Variants in CD109 observed in about 807,000 individuals in gnomAD.
The protein encoded by CD109 is CD109 molecule, also known as CD109 antigen.
CD109 carries 149 observed loss-of-function variants against 165.8 expected under a neutral mutation model. That is an observed-to-expected ratio of 0.90 (90% CI 0.79 to 1.03). The LOEUF is 1.03. CD109 is among the 50% of genes least tolerant of loss of function. CD109 has a pLI of 0.00. For missense variants in CD109, 1,712 were observed against 1,677.8 expected, an observed-to-expected ratio of 1.02 and a Z score of -0.36; for synonymous variants, 585 against 592.1, an observed-to-expected ratio of 0.99 and a Z score of 0.18.
chr6:73,747,523 C>T (rs1054121269), intron 5 of CD109, among the ~76,000 whole-genome samples: 7 of 152,148 alleles, frequency 4.6e-5, no homozygotes, highest in African/African-American at 9.7e-5. Context: ...GAAGTTCACC[C>T]GAAGGCATGG....
chr6:73,733,549 A>G (rs1772442538), intron 4 of CD109, among the ~76,000 whole-genome samples: 1 of 152,240 alleles, frequency 6.6e-6, no homozygotes, highest in South Asian at 2.1e-4. Flanking sequence ...ATTTGGCCTG[A>G]CACAATGGAA....
intron 2 of CD109, among the ~76,000 whole-genome samples, chr6:73,714,455 C>G (rs545262659): frequency 5.1e-4 from 77 of 152,332 alleles, no homozygotes; most frequent in Admixed American, 1.3e-3. Flanking sequence ...GCATTGCAGC[C>G]CCACTGCTCT....
At chr6:73,810,877 G>A (rs745878445) in intron 27 of CD109, 115 bp from the exon 28 acceptor site, 2 of 982,732 alleles carry the variant, frequency 2.0e-6, no homozygotes, top group East Asian at 2.5e-5. Context: ...GAATCAGGGA[G>A]CATTCCACTC....
At position 73,756,719 on chromosome 6, in the gene CD109, A is replaced by G. The variant is rs372509668; in HGVS notation, c.673+37A>G. On this transcript the variant is annotated intron_variant, in intron 6 of 32. Coordinates refer to ENST00000287097, the MANE Select transcript of CD109 (RefSeq NM_133493.5). Reference sequence around the variant, plus strand: ...TCAATCTATTTTGGAAGAAAAAAACATTTGTTACTTTCAGCAGAGATTAGA... The same window carrying G: ...TCAATCTATTTTGGAAGAAAAAAACGTTTGTTACTTTCAGCAGAGATTAGA... The G allele has an allele frequency of 1.1e-3, 1,595 of 1,398,536 alleles. 4 individuals carry two copies. The highest frequency in any genetic ancestry group is 1.5e-3 in the Non-Finnish European group (1,506 of 1,026,058). 86.6% of individuals were successfully genotyped at this position (1,398,536 alleles called of 1,614,324 possible). A position where few individuals can be genotyped will look rare whatever the true frequency, so the allele number is the denominator to read the frequency against.
At chr6:73,751,003 A>C (rs1365001989) in intron 5 of CD109, among the ~76,000 whole-genome samples, 2 of 152,150 alleles carry the variant, frequency 1.3e-5, no homozygotes. Flanking sequence ...AATAAAATAA[A>C]ATGCTCCCTT....
intron 2 of CD109, among the ~76,000 whole-genome samples, chr6:73,720,823 C>G (rs1216117297): frequency 6.6e-6 from 1 of 152,156 alleles, no homozygotes; most frequent in Non-Finnish European, 1.5e-5. Flanking sequence ...CCAAAGACCC[C>G]CTTTTGATTG....
At chr6:73,706,052 T>TA (rs1771254945) in intron 2 of CD109, among the ~76,000 whole-genome samples, 1 of 152,182 alleles carries the variant, frequency 6.6e-6, no homozygotes, top group East Asian at 1.9e-4. Flanking sequence ...GGATTATCCT[T>TA]AAAAAACCCT....
intron 2 of CD109, among the ~76,000 whole-genome samples, chr6:73,720,357 T>G (rs1771903555): frequency 6.6e-6 from 1 of 151,738 alleles, no homozygotes; most frequent in African/African-American, 2.4e-5. Context: ...TTACCAGAAG[T>G]GAAAGGAATG....
intron 23 of CD109, among the ~76,000 whole-genome samples, chr6:73,799,748 T>C (rs1455940057): frequency 6.6e-6 from 1 of 152,206 alleles, no homozygotes; most frequent in Non-Finnish European, 1.5e-5. Context: ...GAGATTTGTG[T>C]GGGGACAAAT....
intron 23 of CD109, among the ~76,000 whole-genome samples, chr6:73,800,647 G>A (rs1158948641): frequency 6.6e-6 from 1 of 152,026 alleles, no homozygotes; most frequent in Admixed American, 6.6e-5. Flanking sequence ...TCTCAGTGTA[G>A]GTTTAATTTG....
At chr6:73,770,251 A>G (rs1240143597) in intron 14 of CD109, among the ~76,000 whole-genome samples, 1 of 152,240 alleles carries the variant, frequency 6.6e-6, no homozygotes, top group Non-Finnish European at 1.5e-5. Context: ...TTTACATCTC[A>G]GAGAGTTGGA....
intron 22 of CD109, among the ~76,000 whole-genome samples, chr6:73,791,500 A>T (rs1286385937): frequency 1.3e-5 from 2 of 152,002 alleles, no homozygotes; most frequent in African/African-American, 4.8e-5. Context: ...CACAGAGGGA[A>T]GGAGCCTGGC....
chr6:73,723,263 C>T lies in CD109; in HGVS notation c.260C>T (p.Thr87Ile), dbSNP rs939185357. Residue 87 changes from threonine to isoleucine, a missense_variant, in exon 3 of 33, where the codon ACA (threonine) becomes ATA (isoleucine). Transcript: ENST00000287097. The stretch of plus-strand genomic sequence containing the variant: ...GTTTTCCTTGTAGGCTCTTTTAAGA[C>T]ACTTACTCTTCCATCAGTAAGTATC... Reference protein sequence around the residue: ...EGVFEKGSFKTLTLPSLPLNS... With the variant: ...EGVFEKGSFKILTLPSLPLNS... 7 of 1,612,582 alleles carry T rather than the reference C, an allele frequency of 4.3e-6. No homozygotes were observed. Among genetic ancestry groups the T allele is most frequent in the Non-Finnish European group, 5.9e-6 (7 of 1,179,356 alleles).
chr6:73,686,177 G>C, the CD109 span, among the ~76,000 whole-genome samples: 178 of 152,164 alleles, frequency 1.2e-3, no homozygotes, highest in Non-Finnish European at 2.3e-3. Flanking sequence ...CTCCAACTAG[G>C]TGCTGTAATC....
intron 29 of CD109, among the ~76,000 whole-genome samples, chr6:73,812,754 G>A (rs1249496754): frequency 6.6e-6 from 1 of 151,994 alleles, no homozygotes; most frequent in African/African-American, 2.4e-5. Flanking sequence ...CATTTTTATA[G>A]TGCAGCAGGA....
intron 2 of CD109, among the ~76,000 whole-genome samples, chr6:73,713,065 C>T (rs1056480477): frequency 6.6e-6 from 1 of 152,160 alleles, no homozygotes; most frequent in Non-Finnish European, 1.5e-5. Flanking sequence ...TTATTCCTCT[C>T]TCATCTATGC....
chr6:73,801,030 TCTACACC>T (rs1775343652), intron 23 of CD109, among the ~76,000 whole-genome samples: 1 of 152,224 alleles, frequency 6.6e-6, no homozygotes, highest in Non-Finnish European at 1.5e-5. Flanking sequence ...AGAGCCTTCC[TCTACACC>T]TATATTAGAG....
Position 73,696,223 on chromosome 6 carries a change from G to T in CD109, c.8G>T (p.Gly3Val), listed in dbSNP as rs920184106. Reference protein sequence around the residue: MQGPPLLTAAHLL... With the variant: MQVPPLLTAAHLL... Reference sequence around the variant, plus strand: ...CAGGCAGACGCCGTCGAGATGCAGGGCCCACCGCTCCTGACCGCCGCCCAC... The same window carrying T: ...CAGGCAGACGCCGTCGAGATGCAGGTCCCACCGCTCCTGACCGCCGCCCAC... The change falls in exon 1 of 33, where the codon GGC becomes GTC. Residue 3 changes from glycine to valine, a missense_variant. Transcript: ENST00000287097. 5.2e-6 allele frequency: 8 copies of T among 1,545,464 alleles called. No individual in the cohort carries two copies. Among genetic ancestry groups the T allele is most frequent in the South Asian group, 3.6e-5 (3 of 84,308 alleles).
intron 21 of CD109, 94 bp from the exon 22 acceptor site, chr6:73,788,374 A>G (rs1169779817): frequency 1.9e-6 from 2 of 1,065,254 alleles, no homozygotes; most frequent in Admixed American, 5.6e-5. Context: ...AACCTCAGAC[A>G]CAACAGGTCA....
Sources: gnomAD v4.1 joint callset for allele counts (sites outside exome capture counted in the v4.1 genomes callset) on GRCh38, gnomAD v4.1.1 for gene constraint, MANE v1.5 for transcripts, NCBI Gene and HGNC (gene_info 2026-07-23, HGNC 2026-07-21) for gene names.